CPSF2: variants seen among roughly 807,000 people sequenced by gnomAD.
CPSF2 encodes cleavage and polyadenylation specific factor 2.
CPSF2 carries 51 observed loss-of-function variants against 84.2 expected under a neutral mutation model. The ratio of observed to expected loss-of-function variants is 0.61; its 90% CI spans 0.48 to 0.77. The LOEUF is 0.77. CPSF2 is among the 30% of genes least tolerant of loss of function. CPSF2 has a pLI of 0.00. For missense variants in CPSF2, 641 were observed against 929.4 expected, an observed-to-expected ratio of 0.69 and a Z score of 4.03; for synonymous variants, 286 against 311.9, an observed-to-expected ratio of 0.92 and a Z score of 0.87.
At position 92,138,376 on chromosome 14, in the gene CPSF2, A is replaced by G. The variant is rs781085339; in HGVS notation, c.661+29A>G. The stretch of plus-strand genomic sequence containing the variant: ...CGTATTCTTTCACGTCCTTATTATT[A>G]TTATTATTTTGTAACTTTTTGTATA... On this transcript the variant is annotated intron_variant, in intron 7 of 15. Transcript: ENST00000298875. 4.4e-6 allele frequency: 5 copies of G among 1,141,008 alleles called. No individual in the cohort carries two copies. In the East Asian group the frequency reaches 8.2e-5, roughly 19 times the overall value. 70.7% of individuals were successfully genotyped at this position (1,141,008 alleles called of 1,614,324 possible).
intron 8 of CPSF2, 123 bp downstream of exon 8, chr14:92,142,474 C>T (rs375663579): frequency 4.2e-6 from 3 of 718,362 alleles, no homozygotes; most frequent in Non-Finnish European, 6.9e-6. Context: ...AAGATGATAA[C>T]TTGGCATTAA....
At chr14:92,145,069 A>G (rs1007911053) in intron 9 of CPSF2, among the ~76,000 whole-genome samples, 4 of 152,222 alleles carry the variant, frequency 2.6e-5, no homozygotes, top group Non-Finnish European at 4.4e-5. Context: ...CGATTTTTCA[A>G]AATTAGTATA....
At chr14:92,159,959 T>G (rs1044563344) in intron 14 of CPSF2, among the ~76,000 whole-genome samples, 5 of 151,916 alleles carry the variant, frequency 3.3e-5, no homozygotes, top group Non-Finnish European at 7.4e-5. Flanking sequence ...TACTGTTTTT[T>G]TTTTGTTTTG....
intron 9 of CPSF2, among the ~76,000 whole-genome samples, chr14:92,143,810 T>C (rs1335387853): frequency 6.6e-6 from 1 of 152,146 alleles, no homozygotes; most frequent in Non-Finnish European, 1.5e-5. Context: ...GTTGTCTCAT[T>C]ATGTTGCCAT....
At chr14:92,125,275 G>A (rs1174140445) in intron 1 of CPSF2, among the ~76,000 whole-genome samples, 5 of 152,248 alleles carry the variant, frequency 3.3e-5, no homozygotes, top group African/African-American at 1.2e-4. Flanking sequence ...GCGTTCCTGA[G>A]GGAAGAATAA....
At chr14:92,151,931 G>A (rs1325949579) in intron 9 of CPSF2, among the ~76,000 whole-genome samples, 1 of 150,614 alleles carries the variant, frequency 6.6e-6, no homozygotes, top group Non-Finnish European at 1.5e-5. Context: ...AGGATCGCTT[G>A]AGGCTGGAAG....
In CPSF2 at chr14:92,142,371, C is replaced by T; in HGVS notation, c.849+20C>T. 1.9e-6 allele frequency: 3 copies of T among 1,584,804 alleles called. No individual in the cohort carries two copies. Among genetic ancestry groups the T allele is most frequent in the Non-Finnish European group, 1.7e-6 (2 of 1,162,184 alleles). On this transcript the variant is annotated intron_variant, in intron 8 of 15. Transcript: ENST00000298875. ...TCCCAGGTTTGTTCTCATGTTGTCA[C>T]TTGTAATAAGTTTGCTACAGTGATT... is the stretch of plus-strand genomic sequence containing the variant.
At chr14:92,153,745 C>T (rs957299583) in intron 9 of CPSF2, among the ~76,000 whole-genome samples, 5 of 150,410 alleles carry the variant, frequency 3.3e-5, no homozygotes, top group Non-Finnish European at 7.4e-5. Flanking sequence ...GCTTTGTCAC[C>T]CAGGCTGGAG....
intron 7 of CPSF2, among the ~76,000 whole-genome samples, chr14:92,140,016 C>T (rs1458242431): frequency 2.2e-5 from 3 of 136,398 alleles, no homozygotes; most frequent in Non-Finnish European, 3.1e-5. Context: ...TGTAGTGGCA[C>T]AATCCCGGTT....
chr14:92,133,553 G>A (rs969982650), intron 3 of CPSF2, among the ~76,000 whole-genome samples: 1 of 151,906 alleles, frequency 6.6e-6, no homozygotes, highest in Non-Finnish European at 1.5e-5. Flanking sequence ...TCAACCTCCT[G>A]TGCCCAAGTG....
At position 92,167,747 on chromosome 14, in the gene CPSF2, T is replaced by A. The variant is rs767772777; in HGVS notation, c.*6003T>A. 1 of 148,690 alleles carries A rather than the reference T, an allele frequency of 6.7e-6. No individual in the cohort carries two copies. Among genetic ancestry groups the A allele is most frequent in the Non-Finnish European group, 1.5e-5 (1 of 67,244 alleles). 9.2% of individuals were successfully genotyped at this position (148,690 alleles called of 1,614,324 possible). On this transcript the variant is annotated 3_prime_UTR_variant, in exon 16 of 16. Transcript: ENST00000298875. ...GTCGGGGGAGAAAGAGTAAATCTTA[T>A]CTTCTTCTGTACTTTTCTTTGATTA...
intron 9 of CPSF2, among the ~76,000 whole-genome samples, chr14:92,150,586 C>T (rs549524554): frequency 1.3e-5 from 2 of 152,214 alleles, no homozygotes; most frequent in South Asian, 2.1e-4. Context: ...TTTCACCACA[C>T]CTGTAATTTT....
chr14:92,143,370 C>A, intron 9 of CPSF2, 76 bp downstream of exon 9: 2 of 995,608 alleles, frequency 2.0e-6, no homozygotes, highest in South Asian at 1.6e-5. Flanking sequence ...AAATAGTGAC[C>A]AAAAATAAAA....
At chr14:92,159,364 C>G (rs780473213) in intron 14 of CPSF2, 82 bp downstream of exon 14, 135 of 1,111,718 alleles carry the variant, frequency 1.2e-4, no homozygotes, top group Non-Finnish European at 1.6e-4. Context: ...TTTTTCCCCC[C>G]TTCTAAAACT....
At chr14:92,126,523 C>T (rs2068847577) in intron 2 of CPSF2, among the ~76,000 whole-genome samples, 1 of 152,126 alleles carries the variant, frequency 6.6e-6, no homozygotes, top group Admixed American at 6.5e-5. Context: ...AATAAGAACA[C>T]ATGAAGGCCA....
chr14:92,146,071 A>C (rs1483799794), intron 9 of CPSF2, among the ~76,000 whole-genome samples: 1 of 152,206 alleles, frequency 6.6e-6, no homozygotes, highest in Non-Finnish European at 1.5e-5. Context: ...TGTTCACTGA[A>C]TCGTAATATG....
rs201881129 is a variant in CPSF2 at position 92,151,436 on chromosome 14, T to TA, written c.1141-2907dup. On this transcript the variant is annotated intron_variant, in intron 9 of 15. Transcript: ENST00000298875. ...ACAAAAAACAAGAGTGTAAGATACA[T>TA]AAAAAAAAAAAAAAATTAACACAAC... Among the ~76,000 whole-genome samples, 597 of 135,518 alleles carry TA rather than the reference T, an allele frequency of 4.4e-3. 4 individuals carry two copies. Among genetic ancestry groups the TA allele is most frequent in the African/African-American group, 0.012 (438 of 36,638 alleles). 88.9% of individuals were successfully genotyped at this position (135,518 alleles called of 152,430 possible).
intron 1 of CPSF2, among the ~76,000 whole-genome samples, chr14:92,124,889 A>G (rs1261676952): frequency 6.6e-6 from 1 of 152,152 alleles, no homozygotes; most frequent in Non-Finnish European, 1.5e-5. Context: ...TAAAAAGTAC[A>G]TTTGTGGCAC....
At chr14:92,160,396 C>A (rs1236071366) in intron 14 of CPSF2, among the ~76,000 whole-genome samples, 2 of 152,134 alleles carry the variant, frequency 1.3e-5, no homozygotes, top group Non-Finnish European at 2.9e-5. Context: ...AGTTAACTAG[C>A]AAGATTCTAG....
Sources: gnomAD v4.1 joint callset for allele counts (sites outside exome capture counted in the v4.1 genomes callset) on GRCh38, gnomAD v4.1.1 for gene constraint, MANE v1.5 for transcripts, NCBI Gene and HGNC (gene_info 2026-07-23, HGNC 2026-07-21) for gene names.